The following DZIP1 variants were observed in gnomAD, a reference collection of about 807,000 sequenced individuals.
The protein encoded by DZIP1 is DAZ interacting zinc finger protein 1.
Under a neutral mutation model 107.6 loss-of-function variants are expected in DZIP1, and 97 were observed. The observed-to-expected ratio is 0.90, with a 90% CI of 0.77 to 1.07. The LOEUF is 1.07. Ranked by LOEUF, DZIP1 falls within the 50% of genes least tolerant of loss-of-function variation. The pLI is 0.00. For missense variants in DZIP1, 1,035 were observed against 1,063.6 expected (o/e 0.97, Z 0.37); for synonymous variants, 390 against 386.4 (o/e 1.01, Z -0.11).
intron 16 of DZIP1, among the ~76,000 whole-genome samples, chr13:95,591,530 T>C (rs971756529): frequency 1.3e-5 from 2 of 152,046 alleles, no homozygotes; most frequent in Admixed American, 1.3e-4. Context: ...GGAGTGGCCA[T>C]ACCACCCACC....
rs1240513514 is a variant in DZIP1 at position 95,622,245 on chromosome 13, A to C, written c.1110+98T>G. On this transcript the variant is annotated intron_variant, in intron 9 of 22. Transcript: ENST00000376829. ...AGCTAGTCACCTTCAGGGTTACTAA[A>C]AAAGACAAACACTTTTTCTGCAGAT... The C allele has an allele frequency of 7.9e-6, 12 of 1,519,596 alleles. No homozygotes were observed. In the Admixed American group the frequency reaches 2.2e-4, roughly 28 times the overall value. 94.1% of individuals were successfully genotyped at this position (1,519,596 alleles called of 1,614,324 possible).
At chr13:95,610,992 T>C (rs1371873856) in intron 12 of DZIP1, among the ~76,000 whole-genome samples, 2 of 152,206 alleles carry the variant, frequency 1.3e-5, no homozygotes, top group Non-Finnish European at 2.9e-5. Context: ...TGGTATGCTA[T>C]TATAGCAGAG....
At chr13:95,636,833 C>A (rs1238421707) in intron 5 of DZIP1, among the ~76,000 whole-genome samples, 3 of 152,112 alleles carry the variant, frequency 2.0e-5, no homozygotes, top group African/African-American at 7.2e-5. Context: ...GCAGTGAAAG[C>A]TGAATCTGCA....
intron 10 of DZIP1, chr13:95,618,011 C>A (rs185885482): frequency 2.5e-5 from 13 of 518,910 alleles, no homozygotes; most frequent in Non-Finnish European, 5.0e-5. Flanking sequence ...TTAGGCATGT[C>A]GCACTTGAGA....
At chr13:95,583,124 A>G (rs2044055396) in intron 22 of DZIP1, among the ~76,000 whole-genome samples, 1 of 152,102 alleles carries the variant, frequency 6.6e-6, no homozygotes, top group African/African-American at 2.4e-5. Context: ...GGAGACATGC[A>G]GGTATTAACT....
rs2044998654 is a variant in DZIP1 at position 95,611,381 on chromosome 13, T to C, written c.1363+64A>G. 2.3e-6 allele frequency: 3 copies of C among 1,329,642 alleles called. No homozygotes were observed. The Admixed American group carries it at 5.2e-5, about 23-fold the overall frequency. 82.4% of individuals were successfully genotyped at this position (1,329,642 alleles called of 1,614,324 possible). A position where few individuals can be genotyped will look rare whatever the true frequency, so the allele number is the denominator to read the frequency against. ...CATAAACAAGTGGGGCCCACATTCT[T>C]CTGAAGCCCAGTGCAATTGGGGAGG... On this transcript the variant is annotated intron_variant, in intron 12 of 22. Coordinates refer to ENST00000376829, the MANE Select transcript of DZIP1 (RefSeq NM_198968.4).
Position 95,611,477 on chromosome 13 carries a change from C to G in DZIP1, c.1331G>C (p.Cys444Ser), listed in dbSNP as rs971612779. ...TQRQQIKDFT[C>S]NPLNSISEPK... ...TTCACTGATACTGTTTAATGGATTA[C>G]AGGTAAAGTCTTTAATCTGCAAAGA... The change falls in exon 12 of 23, where the codon TGT becomes TCT. Residue 444 changes from cysteine to serine, a missense_variant. Coordinates refer to ENST00000376829, the MANE Select transcript of DZIP1 (RefSeq NM_198968.4). 6.2e-7 allele frequency: 1 copy of G among 1,613,190 alleles called. No individual in the cohort carries two copies. The highest frequency in any genetic ancestry group is 1.3e-5 in the African/African-American group (1 of 75,026).
intron 13 of DZIP1, among the ~76,000 whole-genome samples, chr13:95,606,397 C>T (rs938799342): frequency 3.3e-5 from 5 of 152,134 alleles, no homozygotes; most frequent in Non-Finnish European, 7.4e-5. Flanking sequence ...CATTTCTGCC[C>T]CTTCCCTATC....
In DZIP1 at chr13:95,594,024, T is replaced by C. The variant is rs754992014; in HGVS notation, c.1600A>G (p.Asn534Asp). Residue 534 changes from asparagine (N) to aspartate (D), a missense_variant, in exon 16 of 23, where the codon AAC (asparagine) becomes GAC (aspartate). Physicochemically the swap from Asn to Asp is conservative, Grantham distance 23. Coordinates refer to ENST00000376829, the MANE Select transcript of DZIP1 (RefSeq NM_198968.4). The part of the protein sequence containing the change: ...KMHLRKALKS[N>D]SSLTKGLRTM... The stretch of plus-strand genomic sequence containing the variant: ...CTTAGTCCCTTAGTGAGGGAGGAGT[T>C]ACTCTTCAAAGCTTTCCTTAAATGC... 6.2e-6 allele frequency: 10 copies of C among 1,611,688 alleles called. No individual in the cohort carries two copies. The Admixed American group carries it at 1.7e-4, about 27-fold the overall frequency.
chr13:95,614,412 T>A (rs957164315), intron 10 of DZIP1, among the ~76,000 whole-genome samples: 2 of 152,090 alleles, frequency 1.3e-5, no homozygotes, highest in African/African-American at 4.8e-5. Context: ...AAAGCCAGTA[T>A]AAATGTCCAG....
chr13:95,641,386 TC>T lies in DZIP1; in HGVS notation c.505del (p.Glu169ArgfsTer15). On this transcript the variant is annotated frameshift_variant, in exon 5 of 23. Transcript: ENST00000376829. LOFTEE classifies it high-confidence loss of function. This position sits in a 1 kb window ranked among gnomAD's most constrained non-coding sequence, Gnocchi z 4.3. ...SKKLLTKQAG[E>X]IKTLKEECKR... is the part of the protein sequence containing the mutation. ...GCACTCTTCCTTGAGCGTCTTGATC[TC>T]CCCCGCCTGCTTGGTGAGCAGCTTC... 6.2e-7 allele frequency: 1 copy of T among 1,614,056 alleles called. No individual in the cohort carries two copies.
intron 15 of DZIP1, among the ~76,000 whole-genome samples, chr13:95,597,407 G>T (rs932441249): frequency 6.6e-6 from 1 of 152,238 alleles, no homozygotes; most frequent in East Asian, 1.9e-4. Context: ...ATGTATGTAG[G>T]AGAGCGGAAG....
At chr13:95,613,406 A>G (rs1018346338) in intron 10 of DZIP1, among the ~76,000 whole-genome samples, 2 of 151,830 alleles carry the variant, frequency 1.3e-5, no homozygotes, top group African/African-American at 4.8e-5. Context: ...CCATCTACTC[A>G]GGAGGCTGAG....
At chr13:95,626,542 A>T (rs983214385) in intron 7 of DZIP1, among the ~76,000 whole-genome samples, 2 of 152,216 alleles carry the variant, frequency 1.3e-5, no homozygotes, top group Non-Finnish European at 2.9e-5. Context: ...GGATAGAGTT[A>T]GTAATCAACA....
At chr13:95,592,435 G>C (rs2044333769) in intron 16 of DZIP1, among the ~76,000 whole-genome samples, 1 of 152,096 alleles carries the variant, frequency 6.6e-6, no homozygotes, top group African/African-American at 2.4e-5. Flanking sequence ...CTGCCCAAAG[G>C]GTGGTCAAAA....
intron 11 of DZIP1, 89 bp downstream of exon 11, chr13:95,611,948 A>T (rs1034438867): frequency 6.0e-6 from 9 of 1,503,938 alleles, no homozygotes; most frequent in Non-Finnish European, 8.0e-6. Context: ...ACCTTATACC[A>T]CTTACAAATG....
chr13:95,582,366 C>CA, intron 22 of DZIP1, 53 bp from the exon 23 acceptor site: 2 of 1,405,988 alleles, frequency 1.4e-6, no homozygotes, highest in South Asian at 2.3e-5. Context: ...TAAACAAGCA[C>CA]ATTGTCAAGT....
At chr13:95,586,430 G>A (rs1467370002) in intron 20 of DZIP1, among the ~76,000 whole-genome samples, 1 of 151,998 alleles carries the variant, frequency 6.6e-6, no homozygotes, top group Non-Finnish European at 1.5e-5. Flanking sequence ...GAACTCCCGG[G>A]CTCAAGCAAT....
chr13:95,591,452 T>A (rs1193023231), intron 16 of DZIP1, among the ~76,000 whole-genome samples: 2 of 152,158 alleles, frequency 1.3e-5, no homozygotes, highest in Non-Finnish European at 2.9e-5. Flanking sequence ...TAACAGTGTC[T>A]CACACACACA....
Sources: gnomAD v4.1 joint callset for allele counts (sites outside exome capture counted in the v4.1 genomes callset) on GRCh38, gnomAD v4.1.1 for gene constraint, Gnocchi (gnomAD v3.1) non-coding constraint, MANE v1.5 for transcripts, NCBI Gene and HGNC (gene_info 2026-07-23, HGNC 2026-07-21) for gene names.